The following SMG6 variants were observed in gnomAD, a reference collection of about 807,000 sequenced individuals.
SMG6 encodes the protein telomerase-binding protein EST1A.
Under a neutral mutation model 142.2 loss-of-function variants are expected in SMG6, and 66 were observed. The ratio of observed to expected loss-of-function variants is 0.46; its 90% confidence interval spans 0.38 to 0.57. The LOEUF is 0.57. SMG6 is among the 20% of genes least tolerant of loss of function. The probability of loss-of-function intolerance (pLI) is 0.00; values close to 1 mark genes in which losing one functional copy is unlikely to be tolerated. For synonymous variants in SMG6, 779 were observed against 702.4 expected, an observed-to-expected ratio of 1.11 and a Z score of -1.72; for missense variants, 1,793 against 1,832.0, an observed-to-expected ratio of 0.98 and a Z score of 0.39.
At chr17:2,081,664 G>T in intron 15 of SMG6, 146 bp downstream of exon 15, 1 of 960,676 alleles carries the variant, frequency 1.0e-6, no homozygotes, top group Non-Finnish European at 1.6e-6. Flanking sequence ...TTTAGTGGTA[G>T]AGTGAAAAAC....
At chr17:2,236,382 CGGGGGTGGGGTG>C in intron 10 of SMG6, 98 bp downstream of exon 10, 1 of 979,926 alleles carries the variant, frequency 1.0e-6, no homozygotes, top group East Asian at 2.7e-5. Flanking sequence ...TGTGTGTGTT[CGGGGGTGGGGTG>C]GGGGGAGGTA....
chr17:2,235,069 C>CT (rs1247094170), intron 10 of SMG6, among the ~76,000 whole-genome samples: 4 of 152,150 alleles, frequency 2.6e-5, no homozygotes, highest in Non-Finnish European at 5.9e-5. Context: ...GTCAGGTGGG[C>CT]TTCCTACTTG....
intron 8 of SMG6, among the ~76,000 whole-genome samples, chr17:2,281,367 G>A (rs552948229): frequency 1.3e-5 from 2 of 152,176 alleles, no homozygotes; most frequent in African/African-American, 2.4e-5. Flanking sequence ...AGGCTCCAGC[G>A]AACCTCCTGC....
intron 13 of SMG6, among the ~76,000 whole-genome samples, chr17:2,167,691 G>A (rs191656914): frequency 6.6e-6 from 1 of 152,208 alleles, no homozygotes; most frequent in Non-Finnish European, 1.5e-5. Flanking sequence ...GGCTGTGTTG[G>A]CAATACGTGT....
chr17:2,116,848 AAAAC>A (rs2069521932), intron 13 of SMG6, among the ~76,000 whole-genome samples: 1 of 130,346 alleles, frequency 7.7e-6, no homozygotes, highest in South Asian at 2.5e-4. Context: ...CTGGAAAAAA[AAAAC>A]ACCCTATAAA....
rs773744379 is a variant in SMG6, at chr17:2,061,467, G to GC, written c.*24_*25insG. 5.9e-4 allele frequency: 924 copies of GC among 1,559,670 alleles called. No homozygotes were observed. The highest frequency in any genetic ancestry group is 8.7e-4 in the East Asian group (37 of 42,630). On this transcript the variant is annotated 3_prime_UTR_variant, in exon 19 of 19. Transcript: ENST00000263073. ...GTGGCCTTTCAGGAACGGTTCCACG[G>GC]GGGGGGGGCCCCAGTGTGGCTCCCT...
At chr17:2,100,347 A>AT (rs983805938) in intron 13 of SMG6, among the ~76,000 whole-genome samples, 1 of 151,708 alleles carries the variant, frequency 6.6e-6, no homozygotes, top group African/African-American at 2.4e-5. Context: ...TAATCTTTGT[A>AT]TTTTTTTTAG....
chr17:2,198,950 T>TAAAAAAAAAA (rs55660022), intron 10 of SMG6, among the ~76,000 whole-genome samples: 14 of 102,142 alleles, frequency 1.4e-4, no homozygotes, highest in East Asian at 3.1e-4. Flanking sequence ...AAAATAAAAT[T>TAAAAAAAAAA]AAAAAAAAAA....
At chr17:2,250,530 G>A (rs1164021477) in intron 8 of SMG6, among the ~76,000 whole-genome samples, 1 of 151,822 alleles carries the variant, frequency 6.6e-6, no homozygotes, top group Non-Finnish European at 1.5e-5. Flanking sequence ...TGGGCCTACA[G>A]GCACACACAA....
rs759521765 is a variant in SMG6 at position 2,299,545 on chromosome 17, C to T, written c.1208G>A (p.Gly403Asp). Residue 403 changes from glycine (G) to aspartate (D), a missense_variant, in exon 2 of 19, where the codon GGT (glycine) becomes GAT (aspartate). Physicochemically the swap from Gly to Asp is moderately conservative, Grantham distance 94 (BLOSUM62 -1). Around this residue, in one of 3 missense-constraint regions of SMG6, gnomAD observed 1,597 missense variants for 1,584.6 expected, o/e 1.01. Transcript: ENST00000263073. This position sits in a 1 kb window ranked among gnomAD's most constrained non-coding sequence, Gnocchi z 4.3. The part of the protein sequence containing the change: ...ESKNPKQELR[G>D]RGRGILILPA... ...CAAAATCAGAATGCCACGACCACGA[C>T]CCCGAAGTTCTTGTTTCGGGTTTTT... 3.1e-6 allele frequency: 5 copies of T among 1,614,122 alleles called. No individual in the cohort carries two copies. The South Asian group carries it at 4.4e-5, about 14-fold the overall frequency.
At chr17:2,279,998 T>G (rs16952083) in intron 8 of SMG6, among the ~76,000 whole-genome samples, 2,627 of 152,272 alleles carry the variant, frequency 0.017, 70 homozygotes, top group African/African-American at 0.059. Context: ...CACGGAACTA[T>G]AATGACACAC....
intron 10 of SMG6, among the ~76,000 whole-genome samples, chr17:2,227,184 A>G (rs1341335105): frequency 6.6e-6 from 1 of 152,238 alleles, no homozygotes; most frequent in Non-Finnish European, 1.5e-5. Context: ...TACAGAGTTA[A>G]AGATACACAT....
In SMG6 at chr17:2,081,852, G is replaced by A; in HGVS notation, c.3639C>T (p.Ala1213=). 6.2e-7 allele frequency: 1 copy of A among 1,613,972 alleles called. No homozygotes were observed. The highest frequency in any genetic ancestry group is 8.5e-7 in the Non-Finnish European group (1 of 1,180,016). Residue 1213 remains alanine (A), a synonymous_variant, in exon 15 of 19, where the codon GCC becomes GCT. Coordinates refer to ENST00000263073, the MANE Select transcript of SMG6 (RefSeq NM_017575.5). ...RELRAKKLAL[A]RKIAEQQRRQ... is the part of the protein sequence containing the mutation. ...GACGCTGCTGCTCAGCTATCTTCCT[G>A]GCCAGAGCCAGCTTCTTGGCCCGAA...
At chr17:2,235,841 T>C (rs1255953514) in intron 10 of SMG6, 3 of 152,544 alleles carry the variant, frequency 2.0e-5, no homozygotes, top group African/African-American at 7.2e-5. Flanking sequence ...TTTAAAACCC[T>C]GCCAATCTGT....
Position 2,095,407 on chromosome 17 carries a change from C to T in SMG6, c.3358-9506G>A, listed in dbSNP as rs925846548. Among the ~76,000 whole-genome samples the T allele has an allele frequency of 9.2e-5, 14 of 152,252 alleles. 1 individual carries two copies. In the South Asian group the frequency reaches 1.0e-3, roughly 11 times the overall value. On this transcript the variant is annotated intron_variant, in intron 13 of 18. Coordinates refer to ENST00000263073, the MANE Select transcript of SMG6 (RefSeq NM_017575.5). ...TGCTCCTAATTGTATTTATTCTACG[C>T]GTGGCACAAGAGTGGACTCTCGGAG...
chr17:2,111,925 T>C (rs182045287), intron 13 of SMG6, among the ~76,000 whole-genome samples: 1 of 152,274 alleles, frequency 6.6e-6, no homozygotes, highest in East Asian at 1.9e-4. Flanking sequence ...TTACGTTGAA[T>C]TTTAAGTTTG....
chr17:2,229,085 C>A (rs2073397882), intron 10 of SMG6, among the ~76,000 whole-genome samples: 1 of 152,134 alleles, frequency 6.6e-6, no homozygotes, highest in Non-Finnish European at 1.5e-5. Flanking sequence ...CCGCCCACCC[C>A]CTTTTTAAGA....
chr17:2,130,292 C>CAT (rs1345676948), intron 13 of SMG6, among the ~76,000 whole-genome samples: 2 of 137,272 alleles, frequency 1.5e-5, no homozygotes, highest in Non-Finnish European at 3.1e-5. Flanking sequence ...AAAGAAACAG[C>CAT]ATTTATATTC....
In SMG6 at chr17:2,078,885, C is replaced by G. The variant is rs145439540; in HGVS notation, c.3681+2925G>C. Among the ~76,000 whole-genome samples the G allele has an allele frequency of 8.5e-5, 13 of 152,192 alleles. No individual in the cohort carries two copies. The East Asian group carries it at 2.5e-3, about 29-fold the overall frequency. Reference sequence around the variant, plus strand: ...AGACAAAGGGAGGTCAACTATGACACAGACTGAAATTTGATAAAGATAGGT... The same window carrying G: ...AGACAAAGGGAGGTCAACTATGACAGAGACTGAAATTTGATAAAGATAGGT... On this transcript the variant is annotated intron_variant, in intron 15 of 18. Transcript: ENST00000263073.
Sources: allele counts gnomAD v4.1 joint callset (sites outside exome capture counted in the v4.1 genomes callset), GRCh38; gene constraint gnomAD v4.1.1; regional missense constraint gnomAD v4.1.1; non-coding constraint Gnocchi (gnomAD v3.1); transcripts MANE v1.5; gene names NCBI Gene and HGNC (gene_info 2026-07-23, HGNC 2026-07-21).